The following ABCC1 variants were observed in gnomAD, a reference collection of about 807,000 sequenced individuals.
ABCC1 encodes the protein ATP binding cassette subfamily C member 1 (ABCC1 blood group).
In ABCC1, 83 loss-of-function variants were observed where a neutral mutation model predicts 172.9. The observed-to-expected ratio is 0.48, with a 90% CI of 0.40 to 0.58. ABCC1 has a LOEUF of 0.58. Ranked by LOEUF, ABCC1 falls within the 20% of genes least tolerant of loss-of-function variation. The probability of loss-of-function intolerance (pLI) is 0.00; values close to 1 mark genes in which losing one functional copy is unlikely to be tolerated. For synonymous variants in ABCC1, 937 were observed against 825.2 expected (o/e 1.14, Z -2.32); for missense variants, 1,817 against 2,002.7 (o/e 0.91, Z 1.77).
intron 12 of ABCC1, among the ~76,000 whole-genome samples, chr16:16,060,005 TAAA>T (rs771610837): frequency 6.6e-6 from 1 of 151,214 alleles, no homozygotes; most frequent in East Asian, 1.9e-4. Context: ...TCAAAAAAAA[TAAA>T]AAAAATGAAA....
Position 16,007,905 on chromosome 16 carries a change from C to T in ABCC1, c.138C>T (p.Leu46=). 1 of 1,613,492 alleles carries T rather than the reference C, an allele frequency of 6.2e-7. No individual in the cohort carries two copies. Among genetic ancestry groups the T allele is most frequent in the Non-Finnish European group, 8.5e-7 (1 of 1,179,886 alleles). ...TCGTGTGGGTGCCTTGTTTTTACCT[C>T]TGGGCCTGTTTCCCCTTCTACTTCC... ...TVLVWVPCFY[L]WACFPFYFLY... Residue 46 remains leucine, a synonymous_variant, in exon 2 of 31, where the codon CTC becomes CTT. Transcript: ENST00000399410.
intron 21 of ABCC1, 106 bp from the exon 22 acceptor site, chr16:16,111,269 A>AG: frequency 1.1e-6 from 1 of 881,692 alleles, no homozygotes; most frequent in Admixed American, 1.9e-5. Flanking sequence ...GAGCAAAGGC[A>AG]GGCAGCTGGG....
At chr16:15,980,749 T>C (rs1051130787) in intron 1 of ABCC1, among the ~76,000 whole-genome samples, 1 of 152,158 alleles carries the variant, frequency 6.6e-6, no homozygotes, top group Non-Finnish European at 1.5e-5. Context: ...CCAAATCTCA[T>C]GTCCTCACAT....
chr16:16,091,849 G>A (rs1340126041), intron 19 of ABCC1, among the ~76,000 whole-genome samples: 1 of 152,192 alleles, frequency 6.6e-6, no homozygotes, highest in African/African-American at 2.4e-5. Context: ...TGGTTCTCAA[G>A]TTGGTCTCTG....
intron 24 of ABCC1, 26 bp downstream of exon 24, chr16:16,122,200 G>A (rs1338998699): frequency 9.9e-6 from 16 of 1,612,360 alleles, no homozygotes; most frequent in African/African-American, 5.3e-5. Flanking sequence ...CTGCAGGAGC[G>A]GGTGGAGGAG....
intron 22 of ABCC1, among the ~76,000 whole-genome samples, chr16:16,112,063 C>G (rs1011477944): frequency 7.2e-5 from 11 of 152,266 alleles, no homozygotes; most frequent in African/African-American, 2.4e-4. Context: ...TTGAGAAACC[C>G]TGCTGTTGGC....
intron 1 of ABCC1, among the ~76,000 whole-genome samples, chr16:15,951,581 C>T (rs2045874165): frequency 1.3e-5 from 2 of 152,056 alleles, no homozygotes; most frequent in African/African-American, 4.8e-5. Context: ...TTGGAGGTGC[C>T]TTGGAACCAG....
At chr16:16,121,008 C>T (rs1002438537) in intron 23 of ABCC1, among the ~76,000 whole-genome samples, 2 of 152,174 alleles carry the variant, frequency 1.3e-5, no homozygotes, top group African/African-American at 2.4e-5. Context: ...ATACTTATTT[C>T]TTATCTACAG....
intron 1 of ABCC1, among the ~76,000 whole-genome samples, chr16:16,001,242 C>T (rs981765762): frequency 3.9e-5 from 6 of 152,012 alleles, no homozygotes; most frequent in Non-Finnish European, 8.8e-5. Flanking sequence ...GATGGAGTCT[C>T]GCTTTGTCGC....
chr16:16,124,381 G>GTGTGTGTGTGTGTA (rs2045331147), intron 24 of ABCC1, among the ~76,000 whole-genome samples: 1 of 103,272 alleles, frequency 9.7e-6, no homozygotes, highest in Non-Finnish European at 2.2e-5. Context: ...GCCCGGCTGT[G>GTGTGTGTGTGTGTA]TGTGTGTGTG....
At chr16:16,033,028 A>G (rs2048610043) in intron 5 of ABCC1, 81 bp from the exon 6 acceptor site, 2 of 1,379,404 alleles carry the variant, frequency 1.4e-6, no homozygotes, top group Admixed American at 1.7e-5. Flanking sequence ...GCAGCTGACT[A>G]CTTGCTAAGC....
intron 5 of ABCC1, among the ~76,000 whole-genome samples, chr16:16,017,396 A>G (rs2048040194): frequency 6.6e-6 from 1 of 151,822 alleles, no homozygotes. Context: ...ATGCCTGGCT[A>G]ATTTTTTTTC....
chr16:15,999,802 T>TCC (rs1293384241), intron 1 of ABCC1, among the ~76,000 whole-genome samples: 1 of 31,858 alleles, frequency 3.1e-5, no homozygotes, highest in African/African-American at 7.9e-5. Flanking sequence ...TCTCTCTCTC[T>TCC]CTCTCTCCTC....
intron 1 of ABCC1, among the ~76,000 whole-genome samples, chr16:16,002,276 G>T (rs12921623): frequency 6.6e-6 from 1 of 151,866 alleles, no homozygotes; most frequent in Non-Finnish European, 1.5e-5. Flanking sequence ...TGCTTCCTTC[G>T]ATTTGATAAC....
At chr16:15,971,811 G>C (rs891248314) in intron 1 of ABCC1, among the ~76,000 whole-genome samples, 1 of 152,086 alleles carries the variant, frequency 6.6e-6, no homozygotes, top group African/African-American at 2.4e-5. Context: ...CGATGAGTGG[G>C]GGAACACCAG....
chr16:16,091,016 T>G (rs3851713), intron 19 of ABCC1, among the ~76,000 whole-genome samples: 2 of 151,886 alleles, frequency 1.3e-5, no homozygotes, highest in South Asian at 4.1e-4. Context: ...GGAGTTAAGC[T>G]GGCAGGCTCG....
chr16:16,095,456 A>C (rs2051433226), intron 19 of ABCC1, among the ~76,000 whole-genome samples: 2 of 152,224 alleles, frequency 1.3e-5, no homozygotes, highest in African/African-American at 4.8e-5. Flanking sequence ...CTGGCAGGCA[A>C]GCAGGGTAGA....
At chr16:16,041,913 A>G (rs367923640) in intron 7 of ABCC1, among the ~76,000 whole-genome samples, 8 of 152,250 alleles carry the variant, frequency 5.3e-5, no homozygotes, top group Admixed American at 3.9e-4. Context: ...CCTGGCCAAC[A>G]TGGTGAATCC....
intron 9 of ABCC1, among the ~76,000 whole-genome samples, 153 bp from the exon 10 acceptor site, chr16:16,047,989 C>A (rs577645446): frequency 6.6e-6 from 1 of 152,170 alleles, no homozygotes; most frequent in Non-Finnish European, 1.5e-5. Flanking sequence ...ATGACACAGG[C>A]GTCCTGGGCA....
Sources: gnomAD v4.1 joint callset for allele counts (sites outside exome capture counted in the v4.1 genomes callset) on GRCh38, gnomAD v4.1.1 for gene constraint, MANE v1.5 for transcripts, NCBI Gene and HGNC (gene_info 2026-07-23, HGNC 2026-07-21) for gene names.